ARHGAP32: variants seen among roughly 807,000 people sequenced by gnomAD.
The protein encoded by ARHGAP32 is rho GTPase-activating protein 32.
ARHGAP32 carries 51 observed loss-of-function variants against 186.5 expected under a neutral mutation model. The observed-to-expected ratio is 0.27, with a 90% CI of 0.22 to 0.35. The LOEUF (loss-of-function observed/expected upper bound fraction) is 0.35. Ranked by LOEUF, ARHGAP32 falls within the 10% of genes least tolerant of loss-of-function variation. The pLI, the probability that ARHGAP32 is intolerant of heterozygous loss-of-function variation, is 1.00. For synonymous variants in ARHGAP32, 950 were observed against 964.3 expected, an observed-to-expected ratio of 0.99 and a Z score of 0.27; for missense variants, 2,186 against 2,623.5, an observed-to-expected ratio of 0.83 and a Z score of 3.64.
chr11:129,263,614 CG>C (rs1945353350), intron 1 of ARHGAP32, among the ~76,000 whole-genome samples: 1 of 41,138 alleles, frequency 2.4e-5, no homozygotes, highest in African/African-American at 9.6e-5. Flanking sequence ...AAATGGGGAG[CG>C]GGGAGAGGGG....
chr11:129,000,658 G>A (rs187744156), intron 11 of ARHGAP32, among the ~76,000 whole-genome samples: 6 of 152,110 alleles, frequency 3.9e-5, no homozygotes, highest in East Asian at 3.9e-4. Flanking sequence ...TTTAATGTAC[G>A]TTTAAATTAT....
Position 128,986,629 on chromosome 11 carries a change from T to C in ARHGAP32, c.1338A>G (p.Lys446=). 1 of 1,614,114 alleles carries C rather than the reference T, an allele frequency of 6.2e-7. No homozygotes were observed. The highest frequency in any genetic ancestry group is 8.5e-7 in the Non-Finnish European group (1 of 1,179,948). ...AATGGATGTCCTGAACATACGGTTCTTTCGTCAGGTCGGGGACGTGCTCAG... is the reference window on the plus strand; with the variant it reads ...AATGGATGTCCTGAACATACGGTTCCTTCGTCAGGTCGGGGACGTGCTCAG... The part of the protein sequence containing the change: ...FDSEHVPDLT[K]EPYVQDIHSV... Residue 446 remains lysine (K), a synonymous_variant, in exon 14 of 23, where the codon AAA becomes AAG. Transcript: ENST00000682385.
chr11:129,036,205 C>T (rs909736213), intron 11 of ARHGAP32, among the ~76,000 whole-genome samples: 1 of 151,802 alleles, frequency 6.6e-6, no homozygotes, highest in African/African-American at 2.4e-5. Context: ...ATGGAGAAAA[C>T]CCGTTTCTAT....
intron 1 of ARHGAP32, among the ~76,000 whole-genome samples, chr11:129,276,495 C>CTGG (rs1184927961): frequency 3.3e-5 from 5 of 152,150 alleles, no homozygotes; most frequent in African/African-American, 1.2e-4. Flanking sequence ...TCTGTAAAGA[C>CTGG]TGGGCCTCTC....
rs1414983756 is a variant in ARHGAP32 at position 128,974,584 on chromosome 11, A to G, written c.2613T>C (p.Pro871=). The G allele has an allele frequency of 1.5e-5, 24 of 1,614,132 alleles. No homozygotes were observed. Among genetic ancestry groups the G allele is most frequent in the Non-Finnish European group, 1.9e-5 (23 of 1,179,978 alleles). The change falls in exon 21 of 23, where the codon CCT becomes CCC. Residue 871 remains proline (P), a synonymous_variant. Transcript: ENST00000682385. ...GSTASSEPVS[P]LQEKLSPFFT... The stretch of plus-strand genomic sequence containing the variant: ...AGAATGGACTCAGTTTCTCCTGAAG[A>G]GGAGAGACAGGTTCAGAGCTTGCTG...
chr11:128,967,157 TTTTA>T lies in ARHGAP32; in HGVS notation c.*1746_*1749del, dbSNP rs1364487038. 2 of 152,246 alleles carry T rather than the reference TTTTA, an allele frequency of 1.3e-5. No homozygotes were observed. Among genetic ancestry groups the T allele is most frequent in the Non-Finnish European group, 2.9e-5 (2 of 68,042 alleles). 9.4% of individuals were successfully genotyped at this position (152,246 alleles called of 1,614,324 possible). On this transcript the variant is annotated 3_prime_UTR_variant, in exon 23 of 23. Coordinates refer to ENST00000682385, the MANE Select transcript of ARHGAP32 (RefSeq NM_001378024.1). ...ATATCAATGTGTTGTTCTTGAAACA[TTTTA>T]TTTTTTTCTAAATATAAACCCTTAA...
intron 15 of ARHGAP32, 130 bp downstream of exon 15, chr11:128,985,873 T>TAC (rs1945858530): frequency 8.5e-6 from 2 of 234,474 alleles, no homozygotes; most frequent in Non-Finnish European, 1.6e-5. Flanking sequence ...TATATATATA[T>TAC]ATATATATAT....
In ARHGAP32 at chr11:129,063,953, G is replaced by A; in HGVS notation, c.834C>T (p.Ala278=). The change falls in exon 9 of 23, where the codon GCC becomes GCT. Residue 278 remains alanine, a synonymous_variant. Coordinates refer to ENST00000682385, the MANE Select transcript of ARHGAP32 (RefSeq NM_001378024.1). The part of the protein sequence containing the change: ...SSINTPAVGA[A]HVIKRYTARA... The stretch of plus-strand genomic sequence containing the variant: ...GAGCAGTGTACCTCTTGATAACATG[G>A]GCAGCACCGACAGCAGGAGTGTTGA... 6.2e-7 allele frequency: 1 copy of A among 1,612,664 alleles called. No individual in the cohort carries two copies. The highest frequency in any genetic ancestry group is 1.3e-5 in the African/African-American group (1 of 74,862).
chr11:129,235,939 A>ACACACACT (rs1491239598), intron 1 of ARHGAP32, among the ~76,000 whole-genome samples: 34 of 135,926 alleles, frequency 2.5e-4, no homozygotes, highest in Non-Finnish European at 4.1e-4. Context: ...ACACACACAC[A>ACACACACT]CTCACACACA....
chr11:129,179,689 C>A (rs979182340), intron 1 of ARHGAP32, among the ~76,000 whole-genome samples: 2 of 151,118 alleles, frequency 1.3e-5, no homozygotes, highest in Non-Finnish European at 2.9e-5. Context: ...TAAACTATCT[C>A]AAGAACAAAA....
intron 1 of ARHGAP32, among the ~76,000 whole-genome samples, chr11:129,188,656 T>G (rs942234960): frequency 6.6e-6 from 1 of 152,144 alleles, no homozygotes; most frequent in African/African-American, 2.4e-5. Flanking sequence ...GCATGAAGTA[T>G]CATTAGTTCT....
At position 128,973,239 on chromosome 11, in the gene ARHGAP32, T is replaced by A; in HGVS notation, c.3267A>T (p.Ile1089=). The change falls in exon 22 of 23, where the codon ATA becomes ATT. Residue 1089 remains isoleucine (I), a synonymous_variant. Coordinates refer to ENST00000682385, the MANE Select transcript of ARHGAP32 (RefSeq NM_001378024.1). ...SQAGYTNYGD[I]AVATTEDNLS... ...GATTATCTTCAGTTGTAGCCACCGCTATGTCTCCATAATTTGTATACCCAG... is the reference window on the plus strand; with the variant it reads ...GATTATCTTCAGTTGTAGCCACCGCAATGTCTCCATAATTTGTATACCCAG... 6.2e-7 allele frequency: 1 copy of A among 1,614,230 alleles called. No individual in the cohort carries two copies. Among genetic ancestry groups the A allele is most frequent in the South Asian group, 1.1e-5 (1 of 91,088 alleles).
At chr11:129,265,734 G>A (rs1205489993) in intron 1 of ARHGAP32, among the ~76,000 whole-genome samples, 1 of 152,122 alleles carries the variant, frequency 6.6e-6, no homozygotes, top group African/African-American at 2.4e-5. Context: ...TTACATGTAA[G>A]CACCAGAACT....
rs1056107001 is a variant in ARHGAP32 at position 129,278,197 on chromosome 11, TAA to T, written c.-5+947_-5+948del. 3.3e-5 allele frequency among the ~76,000 whole-genome samples: 5 copies of T among 152,166 alleles called. No individual in the cohort carries two copies. In the East Asian group the frequency reaches 7.7e-4, roughly 24 times the overall value. ...AATAAAACTCTGAAAGAATAGAAAA[TAA>T]AAGAGATGCTGACAACAATGCTATG... On this transcript the variant is annotated intron_variant, in intron 1 of 6. Coordinates refer to the ARHGAP32 transcript ENST00000525234.
chr11:129,037,843 C>T (rs1939417102), intron 11 of ARHGAP32, among the ~76,000 whole-genome samples: 1 of 151,920 alleles, frequency 6.6e-6, no homozygotes, highest in Admixed American at 6.6e-5. Context: ...TGGCTCATGC[C>T]TGTAATCCCA....
At chr11:129,255,669 A>G (rs1307877412) in intron 1 of ARHGAP32, among the ~76,000 whole-genome samples, 1 of 152,006 alleles carries the variant, frequency 6.6e-6, no homozygotes, top group African/African-American at 2.4e-5. Flanking sequence ...AGACTCTCAC[A>G]AACAAGACAA....
chr11:129,263,637 G>A (rs1046471848), intron 1 of ARHGAP32, among the ~76,000 whole-genome samples: 20 of 145,742 alleles, frequency 1.4e-4, no homozygotes, highest in African/African-American at 4.3e-4. Context: ...AGGGGAGAGG[G>A]AGGGGGAGGA....
At chr11:129,195,218 G>C (rs929232824), upstream of ARHGAP32, among the ~76,000 whole-genome samples, 2 of 152,034 alleles carry the variant, frequency 1.3e-5, no homozygotes, top group African/African-American at 2.4e-5. Context: ...GATCTCAAGT[G>C]ATCTGCCTGC....
In ARHGAP32 at chr11:128,986,041, G is replaced by T. The variant is rs780870503; in HGVS notation, c.1488C>A (p.Ile496=). 4 of 1,608,242 alleles carry T rather than the reference G, an allele frequency of 2.5e-6. No homozygotes were observed. Among genetic ancestry groups the T allele is most frequent in the South Asian group, 1.1e-5 (1 of 90,304 alleles). The change falls in exon 15 of 23, where the codon ATC becomes ATA. Residue 496 remains isoleucine, a synonymous_variant. Transcript: ENST00000682385. ...GGGGGAGCTGCTGGATGACATCGTGGATTTTTATCAGCCTTTCTTCATCTG... is the reference window on the plus strand; with the variant it reads ...GGGGGAGCTGCTGGATGACATCGTGTATTTTTATCAGCCTTTCTTCATCTG... The part of the protein sequence containing the change: ...AATDEERLIK[I]HDVIQQLPPP...
Sources: gnomAD v4.1 joint callset for allele counts (sites outside exome capture counted in the v4.1 genomes callset) on GRCh38, gnomAD v4.1.1 for gene constraint, MANE v1.5 for transcripts, NCBI Gene and HGNC (gene_info 2026-07-23, HGNC 2026-07-21) for gene names.